Variants in PTPRG observed in about 807,000 individuals in gnomAD.
PTPRG encodes receptor-type tyrosine-protein phosphatase gamma.
Under a neutral mutation model 165.3 loss-of-function variants are expected in PTPRG, and 102 were observed. The ratio of observed to expected loss-of-function variants is 0.62; its 90% confidence interval spans 0.53 to 0.73. PTPRG has a LOEUF of 0.73. Among genes scored for constraint, PTPRG ranks in the 30% least tolerant of loss-of-function variants. The pLI, the probability that PTPRG is intolerant of heterozygous loss-of-function variation, is 0.00. For missense variants in PTPRG, 1,866 were observed against 1,861.4 expected, an observed-to-expected ratio of 1.00 and a Z score of -0.05; for synonymous variants, 675 against 669.5, an observed-to-expected ratio of 1.01 and a Z score of -0.13.
At chr3:62,171,750 G>C (rs1438924786) in intron 8 of PTPRG, among the ~76,000 whole-genome samples, 2 of 151,656 alleles carry the variant, frequency 1.3e-5, no homozygotes, top group African/African-American at 4.9e-5. Flanking sequence ...CACATACCAT[G>C]AAATTCATTC....
At chr3:62,268,898 T>C (rs1376420903) in intron 19 of PTPRG, 137 bp from the exon 20 acceptor site, 7 of 969,552 alleles carry the variant, frequency 7.2e-6, no homozygotes, top group African/African-American at 1.7e-5. Flanking sequence ...CTTTAAGCAG[T>C]TAAACTCACG....
At chr3:61,774,457 C>A (rs1295668063) in intron 2 of PTPRG, among the ~76,000 whole-genome samples, 1 of 152,128 alleles carries the variant, frequency 6.6e-6, no homozygotes, top group Non-Finnish European at 1.5e-5. Flanking sequence ...GGAACTGTTG[C>A]ATAAGAGTCC....
chr3:61,963,963 C>T (rs780367117), intron 2 of PTPRG, among the ~76,000 whole-genome samples: 19 of 151,888 alleles, frequency 1.3e-4, no homozygotes, highest in Non-Finnish European at 2.6e-4. Flanking sequence ...TTTCAGTGTA[C>T]AGGTGATATG....
At position 62,245,952 on chromosome 3, in the gene PTPRG, G is replaced by A. The variant is rs1293533922; in HGVS notation, c.2467+2054G>A. ...TATGCCTTGCAACACCTTTGAGTAG[G>A]TATATTAGACCAGAAATTGCTTTTG... On this transcript the variant is annotated intron_variant, in intron 15 of 29. Transcript: ENST00000474889. This position sits in a 1 kb window ranked among gnomAD's most constrained non-coding sequence, Gnocchi z 4.2. 1.3e-5 allele frequency among the ~76,000 whole-genome samples: 2 copies of A among 152,074 alleles called. No homozygotes were observed. Among genetic ancestry groups the A allele is most frequent in the African/African-American group, 2.4e-5 (1 of 41,398 alleles).
chr3:62,150,902 T>G (rs200122815), intron 6 of PTPRG, among the ~76,000 whole-genome samples: 1 of 152,218 alleles, frequency 6.6e-6, no homozygotes, highest in Non-Finnish European at 1.5e-5. Flanking sequence ...ACTTCCACAA[T>G]TCCTGATTAC....
At chr3:61,819,495 T>G (rs1476080220) in intron 2 of PTPRG, among the ~76,000 whole-genome samples, 1 of 152,150 alleles carries the variant, frequency 6.6e-6, no homozygotes. Context: ...CTGAATAAAT[T>G]TGTGTATCTA....
chr3:61,870,808 TA>T (rs1252093462), intron 2 of PTPRG, among the ~76,000 whole-genome samples: 1 of 152,110 alleles, frequency 6.6e-6, no homozygotes, highest in Non-Finnish European at 1.5e-5. Context: ...GCATTCATAG[TA>T]ATAATAACTG....
intron 2 of PTPRG, among the ~76,000 whole-genome samples, chr3:61,888,339 G>GTTTT (rs138254874): frequency 0.14 from 21,329 of 149,666 alleles, 2,864 homozygotes; most frequent in African/African-American, 0.37. Context: ...TTGTTTGTTT[G>GTTTT]TTTGTTGTTT....
intron 1 of PTPRG, among the ~76,000 whole-genome samples, chr3:61,670,498 A>C (rs1032129664): frequency 1.3e-5 from 2 of 152,206 alleles, no homozygotes; most frequent in African/African-American, 4.8e-5. Flanking sequence ...TGTTTTCAAA[A>C]TGGTATTGTC....
chr3:62,060,868 A>G (rs1044675950), intron 4 of PTPRG, among the ~76,000 whole-genome samples: 7 of 152,186 alleles, frequency 4.6e-5, no homozygotes, highest in Non-Finnish European at 7.3e-5. Flanking sequence ...ATCATAATAC[A>G]TGGAGTTCTG....
intron 5 of PTPRG, among the ~76,000 whole-genome samples, chr3:62,078,966 G>C (rs1701482014): frequency 6.6e-6 from 1 of 152,192 alleles, no homozygotes; most frequent in African/African-American, 2.4e-5. Flanking sequence ...GGTAGTCTGA[G>C]TAGTAGGCAT....
At chr3:61,992,157 T>C (rs1190254599) in intron 3 of PTPRG, among the ~76,000 whole-genome samples, 7 of 152,204 alleles carry the variant, frequency 4.6e-5, no homozygotes, top group Non-Finnish European at 1.0e-4. Flanking sequence ...GGCCAATATA[T>C]TGTAAATACT....
chr3:61,611,662 A>G (rs1416150651), intron 1 of PTPRG, among the ~76,000 whole-genome samples: 1 of 152,210 alleles, frequency 6.6e-6, no homozygotes, highest in Non-Finnish European at 1.5e-5. Flanking sequence ...AAAGAGCCCA[A>G]TAGACATTTT....
chr3:61,738,314 A>ATG (rs1559583418), intron 1 of PTPRG, among the ~76,000 whole-genome samples: 6 of 78,780 alleles, frequency 7.6e-5, no homozygotes, highest in South Asian at 4.8e-4. Flanking sequence ...ATATATATAC[A>ATG]TATATATATA....
chr3:61,708,297 A>G (rs1273489925), intron 1 of PTPRG, among the ~76,000 whole-genome samples: 3 of 152,030 alleles, frequency 2.0e-5, no homozygotes, highest in African/African-American at 7.2e-5. Flanking sequence ...ATGATGTTTT[A>G]GAGTCATGAT....
intron 1 of PTPRG, among the ~76,000 whole-genome samples, chr3:61,600,448 CAG>C (rs777417807): frequency 2.1e-4 from 32 of 151,976 alleles, no homozygotes; most frequent in East Asian, 9.7e-4. Context: ...CGGGATTTGT[CAG>C]GGGTAATTTT....
At chr3:62,284,781 C>T (rs1248015430) in intron 28 of PTPRG, among the ~76,000 whole-genome samples, 3 of 152,102 alleles carry the variant, frequency 2.0e-5, no homozygotes, top group Non-Finnish European at 4.4e-5. Context: ...TCCCTCACCT[C>T]CAAGTCTGAT....
intron 2 of PTPRG, among the ~76,000 whole-genome samples, chr3:61,890,599 C>T (rs1294755615): frequency 6.6e-6 from 1 of 152,004 alleles, no homozygotes; most frequent in Non-Finnish European, 1.5e-5. Flanking sequence ...ATTTTACTAC[C>T]TTCTATCCAT....
intron 1 of PTPRG, among the ~76,000 whole-genome samples, chr3:61,695,044 C>G (rs1436292038): frequency 3.3e-5 from 5 of 151,036 alleles, no homozygotes. Flanking sequence ...GAGTTTTGCT[C>G]TTGTCATCCA....
Sources: gnomAD v4.1 joint callset for allele counts (sites outside exome capture counted in the v4.1 genomes callset) on GRCh38, gnomAD v4.1.1 for gene constraint, Gnocchi (gnomAD v3.1) non-coding constraint, MANE v1.5 for transcripts, NCBI Gene and HGNC (gene_info 2026-07-23, HGNC 2026-07-21) for gene names.